CR1L: variants seen among roughly 807,000 people sequenced by gnomAD.
CR1L encodes the protein complement component receptor 1-like protein.
In CR1L, 59 loss-of-function variants were observed where a neutral mutation model predicts 62.3. The ratio of observed to expected loss-of-function variants is 0.95; its 90% confidence interval spans 0.77 to 1.18. The LOEUF is 1.18. Ranked by LOEUF, CR1L falls within the 50% of genes most tolerant of loss-of-function variation. CR1L has a pLI of 0.00. For missense variants in CR1L, 700 were observed against 702.8 expected, an observed-to-expected ratio of 1.00 and a Z score of 0.04; for synonymous variants, 279 against 248.7, an observed-to-expected ratio of 1.12 and a Z score of -1.15.
chr1:207,678,801 C>G (rs1663747905), intron 3 of CR1L, among the ~76,000 whole-genome samples: 1 of 152,104 alleles, frequency 6.6e-6, no homozygotes, highest in Non-Finnish European at 1.5e-5. Context: ...AGAGCCAGAT[C>G]CATAGCCATG....
chr1:207,714,653 T>C (rs1044425776), intron 10 of CR1L, among the ~76,000 whole-genome samples: 3 of 152,290 alleles, frequency 2.0e-5, no homozygotes, highest in Non-Finnish European at 4.4e-5. Flanking sequence ...TTCCAAGGAT[T>C]CTTTGGCATT....
chr1:207,661,441 G>C (rs1220057700), intron 1 of CR1L, among the ~76,000 whole-genome samples: 1 of 152,092 alleles, frequency 6.6e-6, no homozygotes, highest in African/African-American at 2.4e-5. Flanking sequence ...TTTAAAGTCT[G>C]TTTTATCAGA....
intron 1 of CR1L, among the ~76,000 whole-genome samples, chr1:207,665,333 C>T (rs535888878): frequency 1.2e-4 from 19 of 152,040 alleles, no homozygotes; most frequent in African/African-American, 7.2e-5. Context: ...GGATTACAGG[C>T]GTGAGCTGTA....
intron 1 of CR1L, chr1:207,669,476 C>G (rs1482587752): frequency 6.4e-7 from 1 of 1,553,774 alleles, no homozygotes; most frequent in Non-Finnish European, 8.8e-7. Flanking sequence ...AGCCGGGAGC[C>G]TGTTGGGCAG....
intron 1 of CR1L, among the ~76,000 whole-genome samples, chr1:207,673,369 C>A (rs1204643064): frequency 6.6e-6 from 1 of 152,146 alleles, no homozygotes; most frequent in Non-Finnish European, 1.5e-5. Context: ...AAAGTGCATG[C>A]TCTTTTTTTA....
intron 9 of CR1L, among the ~76,000 whole-genome samples, chr1:207,707,538 G>A (rs1247699764): frequency 2.6e-5 from 4 of 152,140 alleles, no homozygotes; most frequent in Non-Finnish European, 5.9e-5. Flanking sequence ...TGAGTCAGGA[G>A]AATTGCTTGA....
chr1:207,662,454 G>A (rs761078843), intron 1 of CR1L, among the ~76,000 whole-genome samples: 3 of 152,120 alleles, frequency 2.0e-5, no homozygotes, highest in Non-Finnish European at 2.9e-5. Flanking sequence ...ACTGAGGCTT[G>A]TGCATTCGTC....
chr1:207,661,962 T>G (rs1663431664), intron 1 of CR1L, among the ~76,000 whole-genome samples: 1 of 152,222 alleles, frequency 6.6e-6, no homozygotes, highest in East Asian at 1.9e-4. Flanking sequence ...TTAAGAATGT[T>G]GAATATTGGC....
chr1:207,670,924 T>C (rs944210610), intron 1 of CR1L, among the ~76,000 whole-genome samples: 3 of 151,188 alleles, frequency 2.0e-5, no homozygotes, highest in Non-Finnish European at 4.4e-5. Flanking sequence ...AAAATGCTTA[T>C]GGATGCTTCC....
At chr1:207,700,255 A>C (rs1484732607) in intron 8 of CR1L, among the ~76,000 whole-genome samples, 1 of 152,212 alleles carries the variant, frequency 6.6e-6, no homozygotes. Flanking sequence ...AAAATTTTGG[A>C]AGAACATAAC....
chr1:207,679,207 G>A (rs753374110), intron 3 of CR1L, among the ~76,000 whole-genome samples: 6 of 115,108 alleles, frequency 5.2e-5, no homozygotes, highest in Admixed American at 1.1e-4. Context: ...ATTTCACCAT[G>A]TTAGCCAGGA....
intron 4 of CR1L, among the ~76,000 whole-genome samples, chr1:207,685,206 A>T (rs2102463050): frequency 6.6e-6 from 1 of 152,332 alleles, no homozygotes; most frequent in South Asian, 2.1e-4. Context: ...CTATATCCAA[A>T]TCCTGGTAAA....
At chr1:207,712,396 G>A (rs1010495224) in intron 10 of CR1L, among the ~76,000 whole-genome samples, 1 of 152,182 alleles carries the variant, frequency 6.6e-6, no homozygotes, top group African/African-American at 2.4e-5. Flanking sequence ...TGAATTTTGG[G>A]CCATGTGCTA....
intron 10 of CR1L, chr1:207,710,499 G>A (rs375037530): frequency 6.2e-7 from 1 of 1,607,674 alleles, no homozygotes; most frequent in Non-Finnish European, 8.5e-7. Flanking sequence ...AGCAGAGGGA[G>A]AAAGGTGTTT....
chr1:207,711,681 C>T (rs112303157), intron 10 of CR1L, among the ~76,000 whole-genome samples: 1 of 152,160 alleles, frequency 6.6e-6, no homozygotes, highest in African/African-American at 2.4e-5. Context: ...CCAAGATGGG[C>T]AGATCACCTG....
At chr1:207,721,715 G>A (rs1422984123) in intron 11 of CR1L, among the ~76,000 whole-genome samples, 1 of 151,690 alleles carries the variant, frequency 6.6e-6, no homozygotes, top group African/African-American at 2.4e-5. Context: ...CCAGTAATGG[G>A]ATGGCTGGGT....
chr1:207,674,714 C>T (rs538160212), intron 1 of CR1L, among the ~76,000 whole-genome samples: 42 of 152,334 alleles, frequency 2.8e-4, no homozygotes, highest in African/African-American at 9.6e-4. Context: ...CTTAATACAG[C>T]TTTTGGCGCT....
intron 1 of CR1L, among the ~76,000 whole-genome samples, chr1:207,674,030 C>T (rs1663652631): frequency 6.6e-6 from 1 of 152,148 alleles, no homozygotes. Flanking sequence ...AGATAGAACT[C>T]TAATTATGCT....
intron 1 of CR1L, among the ~76,000 whole-genome samples, chr1:207,664,269 T>G (rs1048896920): frequency 2.0e-5 from 3 of 152,244 alleles, no homozygotes; most frequent in Admixed American, 2.0e-4. Flanking sequence ...TTAACATCAT[T>G]TCTGTGGTCT....
Sources: gnomAD v4.1 joint callset for allele counts (sites outside exome capture counted in the v4.1 genomes callset) on GRCh38, gnomAD v4.1.1 for gene constraint, MANE v1.5 for transcripts, NCBI Gene and HGNC (gene_info 2026-07-23, HGNC 2026-07-21) for gene names.